GALNT16: variants seen among roughly 807,000 people sequenced by gnomAD.
GALNT16 encodes UDP-GalNAc:polypeptide N-acetylgalactosaminyltransferase-like protein 1.
Under a neutral mutation model 76.1 loss-of-function variants are expected in GALNT16, and 40 were observed. The observed-to-expected ratio is 0.53, with a 90% CI of 0.41 to 0.68. The LOEUF (loss-of-function observed/expected upper bound fraction) is 0.68, where lower values mean the gene tolerates loss of function less well. GALNT16 is among the 30% of genes least tolerant of loss of function. The probability of loss-of-function intolerance (pLI) is 0.00; values close to 1 mark genes in which losing one functional copy is unlikely to be tolerated. For missense variants in GALNT16, 621 were observed against 731.9 expected (o/e 0.85, Z 1.75); for synonymous variants, 276 against 285.2 (o/e 0.97, Z 0.32).
the GALNT16 span, among the ~76,000 whole-genome samples, chr14:69,382,978 A>G: frequency 1.3e-5 from 2 of 152,192 alleles, no homozygotes; most frequent in Non-Finnish European, 2.9e-5. Flanking sequence ...TAAGAACAGA[A>G]GCTGTGGGTC....
Position 69,333,235 on chromosome 14 carries a change from G to A in GALNT16, c.863+66G>A, listed in dbSNP as rs1440217748. 9.6e-6 allele frequency: 11 copies of A among 1,147,952 alleles called. No individual in the cohort carries two copies. In the East Asian group the frequency reaches 2.4e-4, roughly 25 times the overall value. 71.1% of individuals were successfully genotyped at this position (1,147,952 alleles called of 1,614,324 possible). ...TGGGTCAGGGGCCTGGGAGGCTCTT[G>A]GGAGGCTGTATCGGTCGCTTGGGCT... On this transcript the variant is annotated intron_variant, in intron 8 of 14. Coordinates refer to ENST00000448469, the MANE Select transcript of GALNT16 (RefSeq NM_001168368.2). The surrounding 1 kb of genome is among the most constrained non-coding windows in gnomAD (Gnocchi z 4.2).
At chr14:69,271,351 G>A (rs1419422330) in intron 1 of GALNT16, among the ~76,000 whole-genome samples, 1 of 152,198 alleles carries the variant, frequency 6.6e-6, no homozygotes, top group Non-Finnish European at 1.5e-5. Context: ...CCAGCGCTGG[G>A]GCAAAGCTGA....
chr14:69,312,355 C>T (rs1048731890), intron 1 of GALNT16, among the ~76,000 whole-genome samples: 1 of 152,162 alleles, frequency 6.6e-6, no homozygotes, highest in African/African-American at 2.4e-5. Context: ...TGACGCTTTG[C>T]GCTTGTGACT....
At chr14:69,380,346 GAGAA>G in the GALNT16 span, 8 of 410,850 alleles carry the variant, frequency 1.9e-5, no homozygotes, top group South Asian at 8.2e-5. Flanking sequence ...AAAAAAGAAA[GAGAA>G]AGAAAAAGAG....
intron 5 of GALNT16, among the ~76,000 whole-genome samples, chr14:69,327,956 T>C (rs2045306261): frequency 6.6e-6 from 1 of 152,128 alleles, no homozygotes; most frequent in African/African-American, 2.4e-5. Flanking sequence ...ATCTTATAGA[T>C]AAGAAAACTG....
downstream of GALNT16, chr14:69,355,064 A>C (rs140530137): frequency 6.6e-6 from 1 of 152,382 alleles, no homozygotes; most frequent in East Asian, 1.9e-4. Flanking sequence ...GAAAACCCCC[A>C]CCATGTCTGT....
In GALNT16 at chr14:69,353,454, C is replaced by G. The variant is rs1023064471; in HGVS notation, c.*1286C>G. ...TGAGAACACATCCACACATCTACCC[C>G]ACGGCCTTGTCTTGGAACTGCTCCT... On this transcript the variant is annotated 3_prime_UTR_variant, in exon 15 of 15. Transcript: ENST00000448469. 2.0e-5 allele frequency: 3 copies of G among 152,476 alleles called. No individual in the cohort carries two copies. Among genetic ancestry groups the G allele is most frequent in the African/African-American group, 4.8e-5 (2 of 41,444 alleles). The allele number at this position is 152,476 out of a possible 1,614,324, so 9.4% of individuals were successfully genotyped here.
downstream of GALNT16, among the ~76,000 whole-genome samples, chr14:69,360,045 A>G (rs925285135): frequency 4.1e-5 from 3 of 72,694 alleles, no homozygotes; most frequent in African/African-American, 1.6e-4. Flanking sequence ...AAAATAAAAT[A>G]AAGAAAAAAA....
chr14:69,323,291 C>T (rs1232861679), intron 2 of GALNT16, among the ~76,000 whole-genome samples: 1 of 152,212 alleles, frequency 6.6e-6, no homozygotes, highest in Non-Finnish European at 1.5e-5. Flanking sequence ...CCTTTAGAGG[C>T]TCCTGGCTCC....
chr14:69,307,304 A>G (rs2044950231), intron 1 of GALNT16, among the ~76,000 whole-genome samples: 1 of 152,250 alleles, frequency 6.6e-6, no homozygotes, highest in African/African-American at 2.4e-5. Flanking sequence ...CTGTGTGCCA[A>G]GCAAAGCGAC....
intron 1 of GALNT16, among the ~76,000 whole-genome samples, chr14:69,277,387 T>A (rs1454905056): frequency 1.3e-5 from 2 of 152,090 alleles, no homozygotes; most frequent in Non-Finnish European, 2.9e-5. Flanking sequence ...CGCCACCCCA[T>A]GACAGGCCCC....
intron 1 of GALNT16, among the ~76,000 whole-genome samples, chr14:69,312,068 T>C (rs956931088): frequency 2.2e-5 from 3 of 135,806 alleles, no homozygotes; most frequent in East Asian, 2.4e-4. Context: ...TGTCTATCTA[T>C]CTATCTATCT....
At chr14:69,379,713 G>GT in the GALNT16 span, among the ~76,000 whole-genome samples, 1 of 152,084 alleles carries the variant, frequency 6.6e-6, no homozygotes, top group African/African-American at 2.4e-5. Flanking sequence ...CTTTTTTGTG[G>GT]TTTTTCCCTT....
At chr14:69,342,511 AGG>A (rs2045504900) in intron 12 of GALNT16, among the ~76,000 whole-genome samples, 1 of 80,686 alleles carries the variant, frequency 1.2e-5, no homozygotes, top group Non-Finnish European at 3.0e-5. Context: ...GGAGGGAGGA[AGG>A]AAGGGGAGAG....
At chr14:69,317,391 G>A (rs917485405) in intron 1 of GALNT16, among the ~76,000 whole-genome samples, 3 of 152,190 alleles carry the variant, frequency 2.0e-5, no homozygotes, top group African/African-American at 7.2e-5. Flanking sequence ...CTCCAGCTCC[G>A]CTCTGAGCTT....
chr14:69,308,045 T>C (rs1174655316), intron 1 of GALNT16, among the ~76,000 whole-genome samples: 1 of 152,160 alleles, frequency 6.6e-6, no homozygotes, highest in Non-Finnish European at 1.5e-5. Flanking sequence ...CACATCTTGC[T>C]CCTCTCCCTC....
At chr14:69,327,696 A>G (rs977591346) in intron 5 of GALNT16, among the ~76,000 whole-genome samples, 4 of 152,186 alleles carry the variant, frequency 2.6e-5, no homozygotes, top group Non-Finnish European at 5.9e-5. Context: ...TCTAAGAGTG[A>G]GGCCCTTCCC....
chr14:69,322,558 G>A (rs74059955), intron 2 of GALNT16, among the ~76,000 whole-genome samples: 1,608 of 152,320 alleles, frequency 0.011, 24 homozygotes, highest in African/African-American at 0.036. Flanking sequence ...GGTAGTGGTG[G>A]GTTGATGAGG....
At chr14:69,344,282 G>A (rs1016024655) in intron 12 of GALNT16, among the ~76,000 whole-genome samples, 2 of 152,246 alleles carry the variant, frequency 1.3e-5, no homozygotes, top group African/African-American at 4.8e-5. Flanking sequence ...AGTTGTTCAG[G>A]CTGTGCGTTG....
Sources: allele counts gnomAD v4.1 joint callset (sites outside exome capture counted in the v4.1 genomes callset), GRCh38; gene constraint gnomAD v4.1.1; non-coding constraint Gnocchi (gnomAD v3.1); transcripts MANE v1.5; gene names NCBI Gene and HGNC (gene_info 2026-07-23, HGNC 2026-07-21).